The following FOXP1 variants were observed in gnomAD, a reference collection of about 807,000 sequenced individuals.
The protein encoded by FOXP1 is forkhead box P1.
A neutral mutation model predicts 98.2 loss-of-function variants in FOXP1; 15 were observed. That is an observed-to-expected ratio of 0.15 (90% CI 0.10 to 0.24). The LOEUF is 0.24. FOXP1 is among the 10% of genes least tolerant of loss of function. The probability of loss-of-function intolerance (pLI) is 1.00; values close to 1 mark genes in which losing one functional copy is unlikely to be tolerated. For synonymous variants in FOXP1, 371 were observed against 314.5 expected (o/e 1.18, Z -1.90); for missense variants, 633 against 848.5 (o/e 0.75, Z 3.15).
intron 4 of FOXP1, among the ~76,000 whole-genome samples, chr3:71,344,856 G>C (rs919652152): frequency 6.6e-6 from 1 of 151,902 alleles, no homozygotes; most frequent in African/African-American, 2.4e-5. Context: ...ATCATATTTG[G>C]ATCATTTTAG....
intron 3 of FOXP1, among the ~76,000 whole-genome samples, chr3:71,471,972 T>C (rs2089400708): frequency 6.6e-6 from 1 of 152,204 alleles, no homozygotes; most frequent in African/African-American, 2.4e-5. Context: ...TTCCCTGTAC[T>C]TCTTCCTCCA....
chr3:71,211,851 T>C (rs1412016016), intron 5 of FOXP1, among the ~76,000 whole-genome samples: 3 of 152,186 alleles, frequency 2.0e-5, no homozygotes, highest in African/African-American at 4.8e-5. Flanking sequence ...TCCATCCACA[T>C]CTACCATATT....
intron 7 of FOXP1, among the ~76,000 whole-genome samples, chr3:71,067,271 T>G (rs1406101644): frequency 1.3e-5 from 2 of 152,222 alleles, no homozygotes; most frequent in African/African-American, 4.8e-5. Flanking sequence ...AAACTACATA[T>G]GCCCAGGCCA....
chr3:71,173,146 T>TC (rs1196354321), intron 6 of FOXP1, among the ~76,000 whole-genome samples: 2 of 152,042 alleles, frequency 1.3e-5, no homozygotes, highest in Admixed American at 6.6e-5. Flanking sequence ...TCACCTTTTT[T>TC]CCCCCTCTAC....
At position 71,126,029 on chromosome 3, in the gene FOXP1, T is replaced by TAACAAG. The variant is rs970907684; in HGVS notation, c.181-13398_181-13393dup. ...AGTCTAGAGCCTCACACTCAATAAG[T>TAACAAG]AACAAGTGATTTTGAAAAGTGCTGT... On this transcript the variant is annotated intron_variant, in intron 6 of 20. Coordinates refer to ENST00000649528, the MANE Select transcript of FOXP1 (RefSeq NM_001349338.3). Among the ~76,000 whole-genome samples, 4 of 152,294 alleles carry TAACAAG rather than the reference T, an allele frequency of 2.6e-5. 1 individual carries two copies. The South Asian group carries it at 6.2e-4, about 24-fold the overall frequency.
At chr3:70,969,151 GAATAT>G (rs1184364499) in intron 19 of FOXP1, 1 of 146,322 alleles carries the variant, frequency 6.8e-6, no homozygotes, top group Admixed American at 6.8e-5. Flanking sequence ...TCCGGCTCAT[GAATAT>G]AAAATGTGCT....
chr3:71,285,408 A>G (rs2072007485), intron 5 of FOXP1, among the ~76,000 whole-genome samples: 1 of 152,194 alleles, frequency 6.6e-6, no homozygotes, highest in Non-Finnish European at 1.5e-5. Context: ...TTCATCAAAC[A>G]GCCTTGTTTT....
Position 71,255,789 on chromosome 3 carries a change from G to A in FOXP1, c.-12+44031C>T, listed in dbSNP as rs565020333. Among the ~76,000 whole-genome samples the A allele has an allele frequency of 4.6e-5, 7 of 152,172 alleles. No homozygotes were observed. In the South Asian group the frequency reaches 1.0e-3, roughly 23 times the overall value. ...TATTAATTTTAAAAGGGTCTGAAACGAAACTCAAGTAAGCCATCTTTTAGA... is the reference window on the plus strand; with the variant it reads ...TATTAATTTTAAAAGGGTCTGAAACAAAACTCAAGTAAGCCATCTTTTAGA... On this transcript the variant is annotated intron_variant, in intron 5 of 20. Coordinates refer to ENST00000649528, the MANE Select transcript of FOXP1 (RefSeq NM_001349338.3).
At chr3:71,342,019 T>G (rs1231120419) in intron 4 of FOXP1, among the ~76,000 whole-genome samples, 2 of 146,258 alleles carry the variant, frequency 1.4e-5, no homozygotes, top group African/African-American at 4.9e-5. Context: ...CTTCTGAATT[T>G]GAATCTTATG....
chr3:71,362,962 T>G (rs1425712460), intron 3 of FOXP1, among the ~76,000 whole-genome samples: 1 of 152,220 alleles, frequency 6.6e-6, no homozygotes. Context: ...AAAAGTGTTT[T>G]TTAATGTCTT....
intron 7 of FOXP1, among the ~76,000 whole-genome samples, chr3:71,066,537 CTCTT>C (rs1220769143): frequency 1.3e-5 from 2 of 152,146 alleles, no homozygotes; most frequent in South Asian, 2.1e-4. Context: ...AGAGTTCTGA[CTCTT>C]AAAGAGAAAA....
At chr3:71,491,935 G>A (rs1204895834) in intron 3 of FOXP1, among the ~76,000 whole-genome samples, 5 of 152,270 alleles carry the variant, frequency 3.3e-5, no homozygotes, top group Admixed American at 2.0e-4. Flanking sequence ...TAAATGGGCA[G>A]GATGTCTTAA....
intron 6 of FOXP1, among the ~76,000 whole-genome samples, chr3:71,150,069 T>C (rs1255968579): frequency 6.6e-6 from 1 of 152,232 alleles, no homozygotes; most frequent in Non-Finnish European, 1.5e-5. Context: ...TAGCAGGAAA[T>C]GATTTTGCTA....
chr3:71,514,854 A>T (rs2107365110), intron 2 of FOXP1, among the ~76,000 whole-genome samples: 1 of 152,314 alleles, frequency 6.6e-6, no homozygotes, highest in Non-Finnish European at 1.5e-5. Flanking sequence ...GGACTGAAAC[A>T]TCCTTTATCG....
At chr3:71,434,665 T>C (rs117622680) in intron 3 of FOXP1, among the ~76,000 whole-genome samples, 9 of 149,548 alleles carry the variant, frequency 6.0e-5, no homozygotes, top group East Asian at 2.0e-4. Flanking sequence ...TGTGTGTGTG[T>C]AAGGAAGGGG....
chr3:71,157,080 G>A (rs1287422964), intron 6 of FOXP1, among the ~76,000 whole-genome samples: 8 of 152,258 alleles, frequency 5.3e-5, no homozygotes. Flanking sequence ...ATGCAGAGAA[G>A]CAAAGCAGAT....
chr3:71,229,659 G>C lies in FOXP1; in HGVS notation c.-11-31267C>G, dbSNP rs543530077. Among the ~76,000 whole-genome samples, 7 of 152,196 alleles carry C rather than the reference G, an allele frequency of 4.6e-5. No homozygotes were observed. In the East Asian group the frequency reaches 1.2e-3, roughly 25 times the overall value. On this transcript the variant is annotated intron_variant, in intron 5 of 20. Transcript: ENST00000649528. ...ATACAGGCTCCACACTATCCTTGTA[G>C]AATATGCAAATGGGCCGTGTCTCTT...
chr3:71,106,256 AAT>A (rs1460359036), intron 7 of FOXP1, among the ~76,000 whole-genome samples: 1 of 152,250 alleles, frequency 6.6e-6, no homozygotes, highest in Non-Finnish European at 1.5e-5. Flanking sequence ...TTACATATAA[AAT>A]ATTAGCATCA....
chr3:70,957,711 C>G lies in FOXP1; in HGVS notation c.*1536G>C. 4.3e-6 allele frequency: 1 copy of G among 233,490 alleles called. No homozygotes were observed. Among genetic ancestry groups the G allele is most frequent in the East Asian group, 6.0e-5 (1 of 16,562 alleles). The allele number at this position is 233,490 out of a possible 1,614,324, so 14.5% of individuals were successfully genotyped here. A position where few individuals can be genotyped will look rare whatever the true frequency, so the allele number is the denominator to read the frequency against. ...TCTGCATACCATGTTTGGGACCCCCCCAAAGCCCAGGGCCTACATGATATC... is the reference window on the plus strand; with the variant it reads ...TCTGCATACCATGTTTGGGACCCCCGCAAAGCCCAGGGCCTACATGATATC... On this transcript the variant is annotated 3_prime_UTR_variant, in exon 21 of 21. Coordinates refer to ENST00000649528, the MANE Select transcript of FOXP1 (RefSeq NM_001349338.3).
Sources: gnomAD v4.1 joint callset for allele counts (sites outside exome capture counted in the v4.1 genomes callset) on GRCh38, gnomAD v4.1.1 for gene constraint, MANE v1.5 for transcripts, NCBI Gene and HGNC (gene_info 2026-07-23, HGNC 2026-07-21) for gene names.